The following SDHB variants were observed in gnomAD, a reference collection of about 807,000 sequenced individuals.
The protein encoded by SDHB is succinate dehydrogenase [ubiquinone] iron-sulfur subunit, mitochondrial.
SDHB carries 21 observed loss-of-function variants against 39.7 expected under a neutral mutation model. That is an observed-to-expected ratio of 0.53 (90% CI 0.37 to 0.76). The LOEUF is 0.76. SDHB is among the 30% of genes least tolerant of loss of function. The probability of loss-of-function intolerance (pLI) is 0.00; values close to 1 mark genes in which losing one functional copy is unlikely to be tolerated. For missense variants in SDHB, 343 were observed against 350.9 expected (o/e 0.98, Z 0.18); for synonymous variants, 118 against 117.0 (o/e 1.01, Z -0.06).
intron 4 of SDHB, among the ~76,000 whole-genome samples, chr1:17,028,205 A>G (rs2078002185): frequency 6.6e-6 from 1 of 152,170 alleles, no homozygotes; most frequent in African/African-American, 2.4e-5. Context: ...TGCTTTCCCA[A>G]CTGGCATTTT....
At chr1:17,025,158 C>A (rs1009795089) in intron 5 of SDHB, among the ~76,000 whole-genome samples, 1 of 152,094 alleles carries the variant, frequency 6.6e-6, no homozygotes, top group Admixed American at 6.6e-5. Context: ...CATTGTCCAG[C>A]AACAGTGAAA....
At chr1:17,039,814 T>C (rs967162448) in intron 2 of SDHB, among the ~76,000 whole-genome samples, 14 of 152,204 alleles carry the variant, frequency 9.2e-5, no homozygotes, top group African/African-American at 2.9e-4. Context: ...GTGAGTTATA[T>C]ATTACAGAAT....
chr1:17,036,737 AATAT>A (rs956085967), intron 2 of SDHB, among the ~76,000 whole-genome samples: 2 of 146,608 alleles, frequency 1.4e-5, no homozygotes, highest in Non-Finnish European at 3.0e-5. Flanking sequence ...TATAAATATG[AATAT>A]ATAAATATAA....
At chr1:17,049,647 C>CTTTTTTTTTT (rs397835910) in intron 1 of SDHB, among the ~76,000 whole-genome samples, 527 of 52,070 alleles carry the variant, frequency 0.01, 76 homozygotes, top group East Asian at 0.018. Flanking sequence ...TCCCCTAGTT[C>CTTTTTTTTTT]TTTTTTTTTT....
intron 7 of SDHB, 79 bp downstream of exon 7, chr1:17,022,529 C>T: frequency 3.2e-6 from 5 of 1,584,916 alleles, no homozygotes; most frequent in South Asian, 1.1e-5. Context: ...TGCTCTCTGC[C>T]AATCACCTCT....
intron 6 of SDHB, among the ~76,000 whole-genome samples, chr1:17,023,640 C>G (rs962441926): frequency 6.6e-6 from 1 of 152,198 alleles, no homozygotes; most frequent in Non-Finnish European, 1.5e-5. Context: ...CCTGCTTGCT[C>G]GCTACAAGTC....
chr1:17,043,029 T>G (rs1262991187), intron 2 of SDHB, among the ~76,000 whole-genome samples: 2 of 132,294 alleles, frequency 1.5e-5, no homozygotes, highest in Admixed American at 1.8e-4. Flanking sequence ...TGGCACGATC[T>G]CGGCTCACTG....
At position 17,032,813 on chromosome 1, in the gene SDHB, C is replaced by G. The variant is rs533256895; in HGVS notation, c.286+247G>C. ...AGGCCTTGAAGCGTGGAGCAGCTCA[C>G]AGGGACCGCCAGATGCAGTAACCAC... On this transcript the variant is annotated intron_variant, in intron 3 of 7. Transcript: ENST00000375499. 3 of 548,288 alleles carry G rather than the reference C, an allele frequency of 5.5e-6. No homozygotes were observed. The East Asian group carries it at 9.7e-5, about 18-fold the overall frequency. The allele number at this position is 548,288 out of a possible 1,614,324, so 34.0% of individuals were successfully genotyped here. A position where few individuals can be genotyped will look rare whatever the true frequency, so the allele number is the denominator to read the frequency against.
chr1:17,048,960 C>G (rs1240115319), intron 1 of SDHB, among the ~76,000 whole-genome samples: 2 of 152,142 alleles, frequency 1.3e-5, no homozygotes, highest in Non-Finnish European at 2.9e-5. Context: ...ATCCGCCTGC[C>G]TTGGCCTCCC....
At chr1:17,019,230 C>T (rs2077947695) in intron 7 of SDHB, among the ~76,000 whole-genome samples, 1 of 152,182 alleles carries the variant, frequency 6.6e-6, no homozygotes, top group South Asian at 2.1e-4. Context: ...AGGCCCAGGG[C>T]AGAGGTGCAC....
intron 6 of SDHB, among the ~76,000 whole-genome samples, chr1:17,023,679 G>C (rs571260316): frequency 5.9e-5 from 9 of 152,352 alleles, no homozygotes; most frequent in African/African-American, 1.7e-4. Context: ...GAGAGGGAGA[G>C]GGGGAGCCTC....
At chr1:17,031,611 A>G (rs1315358135) in intron 3 of SDHB, among the ~76,000 whole-genome samples, 3 of 152,230 alleles carry the variant, frequency 2.0e-5, no homozygotes, top group Admixed American at 1.3e-4. Context: ...ATCCATCAGC[A>G]TTTGCAACGC....
chr1:17,030,643 G>C (rs2078017418), intron 3 of SDHB, among the ~76,000 whole-genome samples: 1 of 151,962 alleles, frequency 6.6e-6, no homozygotes, highest in African/African-American at 2.4e-5. Context: ...AGATCATTAG[G>C]TCAGAGAAAC....
At chr1:17,032,843 T>G in intron 3 of SDHB, 2 of 611,606 alleles carry the variant, frequency 3.3e-6, no homozygotes, top group East Asian at 2.9e-5. Flanking sequence ...AACCACAGGA[T>G]AGAATGCTCC....
At chr1:17,024,600 T>C (rs930282593) in intron 5 of SDHB, among the ~76,000 whole-genome samples, 12 of 152,164 alleles carry the variant, frequency 7.9e-5, no homozygotes, top group African/African-American at 2.9e-4. Flanking sequence ...ACAGTAATCC[T>C]GTGAGGTGAC....
At chr1:17,024,118 A>G (rs1227055127) in intron 5 of SDHB, 44 bp from the exon 6 acceptor site, 2 of 1,341,098 alleles carry the variant, frequency 1.5e-6, no homozygotes, top group Non-Finnish European at 2.1e-6. Context: ...GACGGGAGAG[A>G]CTCTGCTATG....
chr1:17,052,513 T>C (rs1354840382), intron 1 of SDHB: 1 of 152,226 alleles, frequency 6.6e-6, no homozygotes, highest in African/African-American at 2.4e-5. Context: ...CTACAATGCA[T>C]TCTTAGAAGA....
chr1:17,036,208 T>A (rs2078049618), intron 2 of SDHB, among the ~76,000 whole-genome samples: 1 of 152,302 alleles, frequency 6.6e-6, no homozygotes, highest in Admixed American at 6.5e-5. Context: ...TTAACAACAT[T>A]AAGTCTTCCA....
intron 2 of SDHB, among the ~76,000 whole-genome samples, chr1:17,038,660 A>C (rs1003113229): frequency 6.6e-6 from 1 of 152,218 alleles, no homozygotes; most frequent in Non-Finnish European, 1.5e-5. Context: ...AAAGTGTTCA[A>C]TATCTCACAA....
Sources: allele counts gnomAD v4.1 joint callset (sites outside exome capture counted in the v4.1 genomes callset), GRCh38; gene constraint gnomAD v4.1.1; transcripts MANE v1.5; gene names NCBI Gene and HGNC (gene_info 2026-07-23, HGNC 2026-07-21).